Variants in R3HDM2 observed in about 807,000 individuals in gnomAD.
R3HDM2 encodes the protein R3H domain-containing protein 2.
In R3HDM2, 38 loss-of-function variants were observed where a neutral mutation model predicts 124.5. The observed-to-expected ratio is 0.31, with a 90% CI of 0.24 to 0.40. R3HDM2 has a LOEUF of 0.40. Ranked by LOEUF, R3HDM2 falls within the 10% of genes least tolerant of loss-of-function variation. R3HDM2 has a pLI of 1.00. For synonymous variants in R3HDM2, 391 were observed against 448.0 expected (o/e 0.87, Z 1.61); for missense variants, 869 against 1,236.9 (o/e 0.70, Z 4.46).
At chr12:57,383,637 G>A (rs1332565146) in intron 2 of R3HDM2, among the ~76,000 whole-genome samples, 1 of 152,100 alleles carries the variant, frequency 6.6e-6, no homozygotes, top group Non-Finnish European at 1.5e-5. Context: ...GAACCCAGGA[G>A]GTGGAGGTTG....
intron 14 of R3HDM2, among the ~76,000 whole-genome samples, chr12:57,273,006 C>T (rs978855107): frequency 6.6e-6 from 1 of 152,200 alleles, no homozygotes; most frequent in African/African-American, 2.4e-5. Context: ...CACTGCTGCA[C>T]TGCTTCTGCA....
At chr12:57,268,034 T>C in intron 18 of R3HDM2, 1 of 274,490 alleles carries the variant, frequency 3.6e-6, no homozygotes, top group Non-Finnish European at 6.8e-6. Flanking sequence ...CCTCTAGTTC[T>C]GAGTCCCATT....
rs1869720267 is a variant in R3HDM2, at chr12:57,430,795, C to G, written c.-181G>C. 1 of 151,392 alleles carries G rather than the reference C, an allele frequency of 6.6e-6. No individual in the cohort carries two copies. The highest frequency in any genetic ancestry group is 2.4e-5 in the African/African-American group (1 of 40,910). 9.4% of individuals were successfully genotyped at this position (151,392 alleles called of 1,614,324 possible). ...GGCCCACGGCCGCTCGGCTGCGGCT[C>G]GGCCCCGACGGCCGGCGGCGGCGCG... On this transcript the variant is annotated 5_prime_UTR_variant, in exon 1 of 24. Coordinates refer to ENST00000402412, the MANE Select transcript of R3HDM2 (RefSeq NM_001394031.1).
chr12:57,271,777 C>T (rs146828982), intron 14 of R3HDM2, among the ~76,000 whole-genome samples: 1 of 152,080 alleles, frequency 6.6e-6, no homozygotes, highest in Non-Finnish European at 1.5e-5. Context: ...AGAGTACAAA[C>T]GATTTAAACA....
intron 2 of R3HDM2, among the ~76,000 whole-genome samples, chr12:57,331,849 G>A (rs528726016): frequency 7.2e-5 from 11 of 151,918 alleles, no homozygotes; most frequent in African/African-American, 2.2e-4. Context: ...GGGACGCGGA[G>A]CTTGCAGTGA....
chr12:57,367,232 C>A (rs921628008), intron 2 of R3HDM2, among the ~76,000 whole-genome samples: 1 of 152,160 alleles, frequency 6.6e-6, no homozygotes, highest in African/African-American at 2.4e-5. Context: ...AGAAGTCTTT[C>A]TCTGGCCTTG....
intron 1 of R3HDM2, among the ~76,000 whole-genome samples, chr12:57,405,036 C>G (rs958563358): frequency 6.6e-6 from 1 of 151,844 alleles, no homozygotes; most frequent in Non-Finnish European, 1.5e-5. Flanking sequence ...TCCTTTCTTT[C>G]TCTTTTTTCA....
intron 19 of R3HDM2, among the ~76,000 whole-genome samples, chr12:57,264,695 C>T (rs1162855914): frequency 6.6e-6 from 1 of 151,100 alleles, no homozygotes; most frequent in East Asian, 1.9e-4. Context: ...TGCAGTGGCA[C>T]CATCATAGAT....
intron 4 of R3HDM2, among the ~76,000 whole-genome samples, chr12:57,302,859 G>A (rs2051568193): frequency 6.6e-6 from 1 of 152,036 alleles, no homozygotes; most frequent in African/African-American, 2.4e-5. Flanking sequence ...GAGAAGCTAG[G>A]AGTGAGCAGA....
intron 1 of R3HDM2, among the ~76,000 whole-genome samples, chr12:57,428,413 C>T (rs1407435811): frequency 1.3e-5 from 2 of 150,946 alleles, no homozygotes; most frequent in Admixed American, 6.7e-5. Flanking sequence ...GGGCAGATCA[C>T]GAGGTCAGGA....
At chr12:57,379,766 T>C (rs1333698955) in intron 2 of R3HDM2, among the ~76,000 whole-genome samples, 1 of 152,044 alleles carries the variant, frequency 6.6e-6, no homozygotes, top group Non-Finnish European at 1.5e-5. Context: ...CATCAAAATA[T>C]AAGCCTATAT....
chr12:57,375,500 A>G (rs572519943), intron 2 of R3HDM2, among the ~76,000 whole-genome samples: 188 of 152,298 alleles, frequency 1.2e-3, no homozygotes, highest in African/African-American at 4.4e-3. Context: ...TGTGCCATTC[A>G]ACTTACACTG....
At chr12:57,287,844 G>C (rs2047689392) in intron 12 of R3HDM2, among the ~76,000 whole-genome samples, 1 of 152,092 alleles carries the variant, frequency 6.6e-6, no homozygotes, top group Non-Finnish European at 1.5e-5. Context: ...GGGTAGGATT[G>C]AGAGACTGAA....
intron 1 of R3HDM2, among the ~76,000 whole-genome samples, chr12:57,396,061 G>A (rs965903694): frequency 2.6e-5 from 4 of 152,074 alleles, no homozygotes; most frequent in Non-Finnish European, 5.9e-5. Context: ...CTTTGTATGA[G>A]CAGTTCTTGG....
chr12:57,418,010 G>A (rs1439408218), intron 1 of R3HDM2, among the ~76,000 whole-genome samples: 1 of 152,062 alleles, frequency 6.6e-6, no homozygotes, highest in Non-Finnish European at 1.5e-5. Context: ...CCTTCTTGTG[G>A]AGACTACTTC....
chr12:57,376,231 G>A (rs1401139437), intron 2 of R3HDM2, among the ~76,000 whole-genome samples: 3 of 152,160 alleles, frequency 2.0e-5, no homozygotes, highest in Admixed American at 6.6e-5. Context: ...AGCCTTACTC[G>A]ACTACTCTCA....
At chr12:57,336,856 A>G (rs1278364976) in intron 2 of R3HDM2, among the ~76,000 whole-genome samples, 1 of 152,140 alleles carries the variant, frequency 6.6e-6, no homozygotes, top group Non-Finnish European at 1.5e-5. Flanking sequence ...GGAATAGAAC[A>G]AAGGTTTCTA....
At chr12:57,378,090 C>T (rs1181846065) in intron 2 of R3HDM2, among the ~76,000 whole-genome samples, 5 of 152,136 alleles carry the variant, frequency 3.3e-5, no homozygotes, top group Non-Finnish European at 7.4e-5. Flanking sequence ...CAGAGCAAGA[C>T]ACTGTCTCAA....
intron 1 of R3HDM2, among the ~76,000 whole-genome samples, chr12:57,420,281 CTT>C (rs2070062105): frequency 6.6e-6 from 1 of 152,196 alleles, no homozygotes; most frequent in African/African-American, 2.4e-5. Context: ...CTCTCCATCT[CTT>C]TGCAGTCATC....
Sources: allele counts gnomAD v4.1 joint callset (sites outside exome capture counted in the v4.1 genomes callset), GRCh38; gene constraint gnomAD v4.1.1; transcripts MANE v1.5; gene names NCBI Gene and HGNC (gene_info 2026-07-23, HGNC 2026-07-21).